VPS41: variants seen among roughly 807,000 people sequenced by gnomAD.
The protein encoded by VPS41 is VPS41 subunit of HOPS complex, also known as vacuolar protein sorting-associated protein 41 homolog.
A neutral mutation model predicts 130.9 loss-of-function variants in VPS41; 85 were observed. That is an observed-to-expected ratio of 0.65 (90% CI 0.55 to 0.78). VPS41 has a LOEUF of 0.78. Among genes scored for constraint, VPS41 ranks in the 30% least tolerant of loss-of-function variants. The probability of loss-of-function intolerance (pLI) is 0.00; values close to 1 mark genes in which losing one functional copy is unlikely to be tolerated. For missense variants in VPS41, 874 were observed against 1,018.7 expected, an observed-to-expected ratio of 0.86 and a Z score of 1.93; for synonymous variants, 335 against 332.9, an observed-to-expected ratio of 1.01 and a Z score of -0.07.
chr7:38,726,904 C>A lies in VPS41; in HGVS notation c.2484+5G>T. On this transcript the variant is annotated splice_donor_5th_base_variant and intron_variant, in intron 28 of 28. Coordinates refer to ENST00000310301, the MANE Select transcript of VPS41 (RefSeq NM_014396.4). Reference sequence around the variant, plus strand: ...TAGTTGATAGGTGCCAAGCTGCCAACTCACCATGCTGGGCATGGGCAGGCA... The same window carrying A: ...TAGTTGATAGGTGCCAAGCTGCCAAATCACCATGCTGGGCATGGGCAGGCA... The A allele has an allele frequency of 6.5e-7, 1 of 1,547,156 alleles. No homozygotes were observed. Among genetic ancestry groups the A allele is most frequent in the African/African-American group, 1.4e-5 (1 of 71,866 alleles).
In VPS41 at chr7:38,817,820, C is replaced by T; in HGVS notation, c.447G>A (p.Lys149=). The T allele has an allele frequency of 1.2e-6, 2 of 1,613,910 alleles. No homozygotes were observed. Among genetic ancestry groups the T allele is most frequent in the Non-Finnish European group, 1.7e-6 (2 of 1,179,778 alleles). ...SSCKQFVTGG[K]KLLLFERSWM... is the part of the protein sequence containing the mutation. Reference sequence around the variant, plus strand: ...GGTAGAGACACACAGCACTTACCTTCTTCCCTCCGGTCACAAACTGCTTGC... The same window carrying T: ...GGTAGAGACACACAGCACTTACCTTTTTCCCTCCGGTCACAAACTGCTTGC... The change falls in exon 7 of 29, where the codon AAG becomes AAA. Residue 149 remains lysine, a synonymous_variant. Coordinates refer to ENST00000310301, the MANE Select transcript of VPS41 (RefSeq NM_014396.4).
At chr7:38,751,797 T>C (rs1225091535) in intron 22 of VPS41, among the ~76,000 whole-genome samples, 1 of 152,212 alleles carries the variant, frequency 6.6e-6, no homozygotes, top group Non-Finnish European at 1.5e-5. Flanking sequence ...CTGGAGCAAC[T>C]GCTTCTGGCT....
chr7:38,804,928 T>C (rs1258038949), intron 7 of VPS41, among the ~76,000 whole-genome samples: 2 of 152,268 alleles, frequency 1.3e-5, no homozygotes, highest in African/African-American at 4.8e-5. Flanking sequence ...ACCAAACACG[T>C]TGAGTCTGTT....
chr7:38,831,234 T>C (rs919595001), intron 4 of VPS41: 23 of 471,052 alleles, frequency 4.9e-5, no homozygotes, highest in Non-Finnish European at 9.7e-5. Context: ...GTAATTTCTT[T>C]GGCATCTGGT....
intron 21 of VPS41, 23 bp from the exon 22 acceptor site, chr7:38,752,336 C>T (rs1426904483): frequency 1.4e-5 from 23 of 1,612,408 alleles, no homozygotes; most frequent in East Asian, 4.5e-5. Flanking sequence ...AAAGATAAGC[C>T]GTGACCCATT....
intron 7 of VPS41, among the ~76,000 whole-genome samples, chr7:38,803,226 A>T (rs1784768056): frequency 6.6e-6 from 1 of 152,214 alleles, no homozygotes; most frequent in South Asian, 2.1e-4. Flanking sequence ...GATTCTGGTC[A>T]CCTAACGCCC....
At chr7:38,837,630 C>T (rs1346948986) in intron 4 of VPS41, among the ~76,000 whole-genome samples, 1 of 152,220 alleles carries the variant, frequency 6.6e-6, no homozygotes, top group East Asian at 1.9e-4. Context: ...GGAATCCCCA[C>T]AACTTGCAGT....
intron 3 of VPS41, among the ~76,000 whole-genome samples, chr7:38,863,374 A>C (rs1786161611): frequency 6.6e-6 from 1 of 152,206 alleles, no homozygotes; most frequent in African/African-American, 2.4e-5. Flanking sequence ...AGCATTACTC[A>C]AATAGTCCAA....
chr7:38,748,172 T>C (rs1401539671), intron 22 of VPS41, among the ~76,000 whole-genome samples: 2 of 152,166 alleles, frequency 1.3e-5, no homozygotes, highest in East Asian at 1.9e-4. Context: ...GAGGAAACAG[T>C]AGGGAAACTA....
At chr7:38,893,462 G>T (rs1786909626) in intron 2 of VPS41, among the ~76,000 whole-genome samples, 1 of 152,204 alleles carries the variant, frequency 6.6e-6, no homozygotes, top group African/African-American at 2.4e-5. Context: ...GTATTGAAAA[G>T]ATCTTAATGC....
At position 38,758,464 on chromosome 7, in the gene VPS41, G is replaced by A; in HGVS notation, c.1440C>T (p.Ile480=). 6.2e-7 allele frequency: 1 copy of A among 1,612,374 alleles called. No homozygotes were observed. Among genetic ancestry groups the A allele is most frequent in the Non-Finnish European group, 8.5e-7 (1 of 1,179,520 alleles). Residue 480 remains isoleucine, a synonymous_variant, in exon 18 of 29, where the codon ATC becomes ATT. Coordinates refer to ENST00000310301, the MANE Select transcript of VPS41 (RefSeq NM_014396.4). ...ESDYEGFATL[I]REWPGDLYNN... ...TATACAGATCTCCAGGCCATTCTCGGATCAATGTGGCAAAACCCTAACCAA... is the reference window on the plus strand; with the variant it reads ...TATACAGATCTCCAGGCCATTCTCGAATCAATGTGGCAAAACCCTAACCAA...
intron 4 of VPS41, among the ~76,000 whole-genome samples, chr7:38,857,204 C>T (rs1458203253): frequency 1.3e-5 from 2 of 152,244 alleles, no homozygotes; most frequent in African/African-American, 2.4e-5. Context: ...CAACCCACCT[C>T]TGCCTCAAGA....
chr7:38,832,823 T>G (rs1247455578), intron 4 of VPS41, among the ~76,000 whole-genome samples: 1 of 152,150 alleles, frequency 6.6e-6, no homozygotes. Context: ...CAAAACATAG[T>G]ATTTTCTCCA....
In VPS41 at chr7:38,878,149, AG is replaced by A. The variant is rs750109808; in HGVS notation, c.61-8897del. Among the ~76,000 whole-genome samples, 7 of 152,318 alleles carry A rather than the reference AG, an allele frequency of 4.6e-5. No individual in the cohort carries two copies. In the South Asian group the frequency reaches 6.2e-4, roughly 14 times the overall value. On this transcript the variant is annotated intron_variant, in intron 2 of 28. Transcript: ENST00000310301. ...GACCAAAGGACCTCTAATAGCAGGAAGGTGGGCACTGCAGGGACCAGAGAAA... is the reference window on the plus strand; with the variant it reads ...GACCAAAGGACCTCTAATAGCAGGAAGTGGGCACTGCAGGGACCAGAGAAA...
rs2115986958 is a variant in VPS41, at chr7:38,796,614, C to T, written c.570+131G>A. 5 of 1,350,904 alleles carry T rather than the reference C, an allele frequency of 3.7e-6. No homozygotes were observed. The South Asian group carries it at 6.0e-5, about 16-fold the overall frequency. 83.7% of individuals were successfully genotyped at this position (1,350,904 alleles called of 1,614,324 possible). A position where few individuals can be genotyped will look rare whatever the true frequency, so the allele number is the denominator to read the frequency against. On this transcript the variant is annotated intron_variant, in intron 8 of 28. Transcript: ENST00000310301. ...TTCTTTAACCTCCTAGGTATGATAC[C>T]AATCGTCCTTACACCCTTTAGAAAT...
intron 2 of VPS41, among the ~76,000 whole-genome samples, chr7:38,886,928 T>C (rs1164417796): frequency 6.6e-6 from 1 of 152,126 alleles, no homozygotes; most frequent in Non-Finnish European, 1.5e-5. Context: ...GACCTGCAGC[T>C]GAGGGGCCTG....
chr7:38,764,375 G>A lies in VPS41; in HGVS notation c.1330-828C>T, dbSNP rs1363073179. Among the ~76,000 whole-genome samples, 6 of 152,184 alleles carry A rather than the reference G, an allele frequency of 3.9e-5. No homozygotes were observed. In the East Asian group the frequency reaches 1.2e-3, roughly 29 times the overall value. On this transcript the variant is annotated intron_variant, in intron 16 of 28. Coordinates refer to ENST00000310301, the MANE Select transcript of VPS41 (RefSeq NM_014396.4). The stretch of plus-strand genomic sequence containing the variant: ...GAGGAGCCCAGAGATGCGAGATGGC[G>A]TCACTGAAGGGAGGTGAGGCTGGAG...
chr7:38,736,005 C>T (rs1398187920), intron 25 of VPS41, among the ~76,000 whole-genome samples: 2 of 151,842 alleles, frequency 1.3e-5, no homozygotes, highest in Admixed American at 1.3e-4. Context: ...AAGAAAAAAC[C>T]GTGAAAAATA....
chr7:38,791,853 G>T (rs866179521), intron 9 of VPS41, among the ~76,000 whole-genome samples: 14 of 152,032 alleles, frequency 9.2e-5, no homozygotes, highest in African/African-American at 3.4e-4. Context: ...GTTTAGGGGG[G>T]GTAAAACCAG....
Sources: gnomAD v4.1 joint callset for allele counts (sites outside exome capture counted in the v4.1 genomes callset) on GRCh38, gnomAD v4.1.1 for gene constraint, MANE v1.5 for transcripts, NCBI Gene and HGNC (gene_info 2026-07-23, HGNC 2026-07-21) for gene names.